The following EEPD1 variants were observed in gnomAD, a reference collection of about 807,000 sequenced individuals.
EEPD1 encodes the protein endonuclease/exonuclease/phosphatase family domain containing 1, also known as endonuclease/exonuclease/phosphatase family domain-containing protein 1.
In EEPD1, 17 loss-of-function variants were observed where a neutral mutation model predicts 46.3. The ratio of observed to expected loss-of-function variants is 0.37; its 90% CI spans 0.25 to 0.55. EEPD1 has a LOEUF of 0.55. EEPD1 is among the 20% of genes least tolerant of loss of function. The pLI is 0.83. For synonymous variants in EEPD1, 313 were observed against 315.6 expected, an observed-to-expected ratio of 0.99 and a Z score of 0.09; for missense variants, 673 against 745.6, an observed-to-expected ratio of 0.90 and a Z score of 1.13.
chr7:36,176,958 G>A (rs1321359826), intron 2 of EEPD1, among the ~76,000 whole-genome samples: 6 of 152,190 alleles, frequency 3.9e-5, no homozygotes, highest in Non-Finnish European at 8.8e-5. Flanking sequence ...AATGTATGTG[G>A]ACTTAAACTG....
chr7:36,280,295 C>T (rs1026265840), intron 3 of EEPD1, among the ~76,000 whole-genome samples: 5 of 152,054 alleles, frequency 3.3e-5, no homozygotes, highest in Non-Finnish European at 4.4e-5. Flanking sequence ...GAATGAGAGT[C>T]CTTAAGCGGA....
chr7:36,269,938 G>T (rs544823095), intron 3 of EEPD1, among the ~76,000 whole-genome samples: 46 of 152,316 alleles, frequency 3.0e-4, no homozygotes, highest in African/African-American at 1.1e-3. Context: ...ATAGTGATTA[G>T]AAATGAACCT....
At chr7:36,160,452 T>C (rs1784884347) in intron 2 of EEPD1, among the ~76,000 whole-genome samples, 1 of 149,732 alleles carries the variant, frequency 6.7e-6, no homozygotes, top group Non-Finnish European at 1.5e-5. Context: ...GGGAAAAGAA[T>C]GCTCCATGGA....
intron 3 of EEPD1, among the ~76,000 whole-genome samples, chr7:36,255,090 C>G (rs1173470219): frequency 6.6e-6 from 1 of 152,154 alleles, no homozygotes; most frequent in Non-Finnish European, 1.5e-5. Flanking sequence ...TGTAGGTTGC[C>G]TGTTCACTCT....
At chr7:36,175,247 C>T (rs879353135) in intron 2 of EEPD1, among the ~76,000 whole-genome samples, 1 of 152,202 alleles carries the variant, frequency 6.6e-6, no homozygotes, top group Non-Finnish European at 1.5e-5. Flanking sequence ...TTTAACAGCC[C>T]TCACAGATAA....
At chr7:36,214,372 T>G (rs867181021) in intron 2 of EEPD1, among the ~76,000 whole-genome samples, 1 of 152,188 alleles carries the variant, frequency 6.6e-6, no homozygotes, top group Non-Finnish European at 1.5e-5. Context: ...ATTTGAGAGA[T>G]AATGTTGGGC....
At chr7:36,266,814 G>T (rs1217558425) in intron 3 of EEPD1, among the ~76,000 whole-genome samples, 1 of 152,178 alleles carries the variant, frequency 6.6e-6, no homozygotes, top group African/African-American at 2.4e-5. Flanking sequence ...GATGTCTTGT[G>T]CAAATGGAGT....
At chr7:36,241,466 C>CT (rs113355148) in intron 3 of EEPD1, among the ~76,000 whole-genome samples, 2 of 152,142 alleles carry the variant, frequency 1.3e-5, no homozygotes, top group African/African-American at 4.8e-5. Context: ...GAGCGAGACT[C>CT]TGTCTCAAAA....
chr7:36,257,706 T>C (rs1359615233), intron 3 of EEPD1, among the ~76,000 whole-genome samples: 2 of 152,224 alleles, frequency 1.3e-5, no homozygotes, highest in East Asian at 3.9e-4. Context: ...AACTGGTTAT[T>C]CTACTTAGCA....
At position 36,154,899 on chromosome 7, in the gene EEPD1, G is replaced by A; in HGVS notation, c.575G>A (p.Arg192Gln). Residue 192 changes from arginine (R) to glutamine (Q), a missense_variant, in exon 2 of 8, where the codon CGG (arginine) becomes CAG (glutamine). Transcript: ENST00000242108. The surrounding 1 kb of genome is among the most constrained non-coding windows in gnomAD (Gnocchi z 4.2). ...GINAAFLDRIRHQVFAERSRP... is the reference protein window; with the variant it reads ...GINAAFLDRIQHQVFAERSRP... ...AATGCCGCCTTCCTGGACAGGATCC[G>A]GCACCAGGTGTTTGCTGAGAGGTCC... The A allele has an allele frequency of 6.2e-7, 1 of 1,614,082 alleles. No homozygotes were observed. Among genetic ancestry groups the A allele is most frequent in the African/African-American group, 1.3e-5 (1 of 75,012 alleles).
At chr7:36,163,191 G>A (rs1227186687) in intron 2 of EEPD1, among the ~76,000 whole-genome samples, 1 of 150,780 alleles carries the variant, frequency 6.6e-6, no homozygotes, top group Admixed American at 6.6e-5. Context: ...GTGGTCTCAG[G>A]GCTCCTTCCT....
At chr7:36,166,741 T>C (rs1451190401) in intron 2 of EEPD1, among the ~76,000 whole-genome samples, 1 of 152,252 alleles carries the variant, frequency 6.6e-6, no homozygotes, top group Non-Finnish European at 1.5e-5. Flanking sequence ...GTTAAGATTA[T>C]ATATTTAAAT....
chr7:36,239,010 C>G lies in EEPD1; in HGVS notation c.904C>G (p.Leu302Val). 1 of 1,611,116 alleles carries G rather than the reference C, an allele frequency of 6.2e-7. No homozygotes were observed. The highest frequency in any genetic ancestry group is 8.5e-7 in the Non-Finnish European group (1 of 1,179,362). Residue 302 changes from leucine (L) to valine (V), a missense_variant, in exon 3 of 8, where the codon CTG (leucine) becomes GTG (valine). Coordinates refer to ENST00000242108, the MANE Select transcript of EEPD1 (RefSeq NM_030636.3). ...NSIKLLAVQE[L>V]LDREALEKFC... Reference sequence around the variant, plus strand: ...CATCAAGCTTCTAGCTGTGCAAGAACTGCTTGACAGAGAGGCCTTGGAAAA... The same window carrying G: ...CATCAAGCTTCTAGCTGTGCAAGAAGTGCTTGACAGAGAGGCCTTGGAAAA...
chr7:36,256,847 G>A (rs1290868791), intron 3 of EEPD1, among the ~76,000 whole-genome samples: 2 of 152,170 alleles, frequency 1.3e-5, no homozygotes, highest in Admixed American at 6.5e-5. Flanking sequence ...TGTTATGTGT[G>A]AATTTAATCC....
intron 5 of EEPD1, among the ~76,000 whole-genome samples, chr7:36,286,668 C>A (rs1052774082): frequency 6.6e-6 from 1 of 152,208 alleles, no homozygotes; most frequent in African/African-American, 2.4e-5. Flanking sequence ...AAGTCAGCAT[C>A]TGGCTATAGT....
intron 3 of EEPD1, among the ~76,000 whole-genome samples, chr7:36,245,331 T>C (rs980264671): frequency 1.3e-5 from 2 of 152,178 alleles, no homozygotes; most frequent in African/African-American, 4.8e-5. Context: ...CTCCACTTCC[T>C]TGCTCCAGTG....
chr7:36,250,149 G>A (rs1786711409), intron 3 of EEPD1, among the ~76,000 whole-genome samples: 1 of 152,194 alleles, frequency 6.6e-6, no homozygotes, highest in Non-Finnish European at 1.5e-5. Context: ...TTGAGCCTGG[G>A]AGGCCAAGGC....
intron 2 of EEPD1, among the ~76,000 whole-genome samples, chr7:36,163,747 G>A (rs1311281288): frequency 1.3e-5 from 2 of 152,002 alleles, no homozygotes; most frequent in South Asian, 2.1e-4. Context: ...GCGTGGTGGC[G>A]GGCACCTGTA....
rs144668185 is a variant in EEPD1 at position 36,252,265 on chromosome 7, A to G, written c.930+13229A>G. ...TCAGACCTGAAGGTTTTGGGGGCGC[A>G]GTTGCCTTTTGCAGTTGTTTGGGTC... On this transcript the variant is annotated intron_variant, in intron 3 of 7. Coordinates refer to ENST00000242108, the MANE Select transcript of EEPD1 (RefSeq NM_030636.3). 7.4e-4 allele frequency among the ~76,000 whole-genome samples: 112 copies of G among 152,312 alleles called. 1 individual carries two copies. Among genetic ancestry groups the G allele is most frequent in the South Asian group, 2.7e-3 (13 of 4,828 alleles).
Sources: allele counts gnomAD v4.1 joint callset (sites outside exome capture counted in the v4.1 genomes callset), GRCh38; gene constraint gnomAD v4.1.1; non-coding constraint Gnocchi (gnomAD v3.1); transcripts MANE v1.5; gene names NCBI Gene and HGNC (gene_info 2026-07-23, HGNC 2026-07-21).